KIAA1549L: variants seen among roughly 807,000 people sequenced by gnomAD.
KIAA1549L encodes UPF0606 protein KIAA1549L.
A neutral mutation model predicts 160.7 loss-of-function variants in KIAA1549L; 88 were observed. That is an observed-to-expected ratio of 0.55 (90% CI 0.46 to 0.65). The LOEUF is 0.65. Ranked by LOEUF, KIAA1549L falls within the 30% of genes least tolerant of loss-of-function variation. The pLI is 0.00. For missense variants in KIAA1549L, 2,258 were observed against 2,437.5 expected, an observed-to-expected ratio of 0.93 and a Z score of 1.55; for synonymous variants, 950 against 976.7, an observed-to-expected ratio of 0.97 and a Z score of 0.51.
chr11:33,504,764 G>A (rs766006775), intron 1 of KIAA1549L, among the ~76,000 whole-genome samples: 1 of 152,024 alleles, frequency 6.6e-6, no homozygotes, highest in Non-Finnish European at 1.5e-5. Context: ...CACTGTGCCC[G>A]GCCACAGATT....
chr11:33,395,601 G>T (rs1254932092), intron 1 of KIAA1549L, among the ~76,000 whole-genome samples: 2 of 152,070 alleles, frequency 1.3e-5, no homozygotes, highest in African/African-American at 2.4e-5. Flanking sequence ...TGGAGAACAG[G>T]TGGTATTTGG....
intron 1 of KIAA1549L, among the ~76,000 whole-genome samples, chr11:33,419,583 C>T (rs551892920): frequency 1.4e-4 from 22 of 152,218 alleles, no homozygotes; most frequent in African/African-American, 5.1e-4. Context: ...CAGTGGCTCA[C>T]ACCTGTAATC....
In KIAA1549L at chr11:33,646,002, G is replaced by T; in HGVS notation, c.5726G>T (p.Arg1909Leu). The T allele has an allele frequency of 6.2e-7, 1 of 1,601,926 alleles. No homozygotes were observed. The highest frequency in any genetic ancestry group is 1.1e-5 in the South Asian group (1 of 89,146). Residue 1909 changes from arginine (R) to leucine (L), a missense_variant, in exon 17 of 21, where the codon CGC becomes CTC. Physicochemically the swap from Arg to Leu is moderately radical, Grantham distance 102. Coordinates refer to ENST00000658780, the MANE Select transcript of KIAA1549L (RefSeq NM_012194.3). The stretch of plus-strand genomic sequence containing the variant: ...GGGGTGCAGTGGGTGCCGACCTACC[G>T]CCCAGAAATGTATCAGTACAGTCTG... ...RAGVQWVPTY[R>L]PEMYQYSLPR...
intron 15 of KIAA1549L, among the ~76,000 whole-genome samples, chr11:33,612,983 T>A (rs1202777397): frequency 6.6e-6 from 1 of 151,996 alleles, no homozygotes; most frequent in Non-Finnish European, 1.5e-5. Context: ...ATGTATCACA[T>A]TTTTTTTCAT....
At chr11:33,642,618 A>G (rs1851617768) in intron 16 of KIAA1549L, among the ~76,000 whole-genome samples, 1 of 151,900 alleles carries the variant, frequency 6.6e-6, no homozygotes, top group African/African-American at 2.4e-5. Context: ...AATGGTTATG[A>G]CAGAGCAGGT....
chr11:33,651,498 T>TCTTTTGTGCCTC (rs1554929900), intron 17 of KIAA1549L, among the ~76,000 whole-genome samples: 2 of 36,372 alleles, frequency 5.5e-5, no homozygotes, highest in African/African-American at 6.8e-4. Context: ...TGTGCCTCCT[T>TCTTTTGTGCCTC]CTTCCCTGGG....
In KIAA1549L at chr11:33,552,135, A is replaced by T; in HGVS notation, c.3749A>T (p.Asn1250Ile). ...TVLQFVSQAD[N>I]IQSCKFAQTM... ...CTGCAGTTTGTGAGCCAAGCGGACA[A>T]CATACAGTCCTGCAAGTTTGCTCAG... Residue 1250 changes from asparagine (N) to isoleucine (I), a missense_variant, in exon 6 of 21, where the codon AAC (asparagine) becomes ATC (isoleucine). Coordinates refer to ENST00000658780, the MANE Select transcript of KIAA1549L (RefSeq NM_012194.3). 1 of 1,613,590 alleles carries T rather than the reference A, an allele frequency of 6.2e-7. No individual in the cohort carries two copies. Among genetic ancestry groups the T allele is most frequent in the Non-Finnish European group, 8.5e-7 (1 of 1,179,758 alleles).
intron 1 of KIAA1549L, among the ~76,000 whole-genome samples, chr11:33,443,238 G>A (rs1367666008): frequency 1.3e-5 from 2 of 152,082 alleles, no homozygotes; most frequent in Non-Finnish European, 2.9e-5. Flanking sequence ...GGGCTGAAGG[G>A]ACCCTCCTGC....
At chr11:33,490,347 A>G (rs1852629001) in intron 1 of KIAA1549L, among the ~76,000 whole-genome samples, 1 of 145,692 alleles carries the variant, frequency 6.9e-6, no homozygotes, top group Admixed American at 6.8e-5. Flanking sequence ...TTTTTGAGAC[A>G]GTATCTTGCT....
intron 4 of KIAA1549L, among the ~76,000 whole-genome samples, chr11:33,550,634 C>G (rs1854426986): frequency 6.6e-6 from 1 of 152,170 alleles, no homozygotes; most frequent in Non-Finnish European, 1.5e-5. Flanking sequence ...CCCACTTAAT[C>G]TATCATTTCT....
chr11:33,461,327 A>G (rs796366629), intron 1 of KIAA1549L, among the ~76,000 whole-genome samples: 15 of 152,324 alleles, frequency 9.8e-5, no homozygotes, highest in African/African-American at 3.4e-4. Flanking sequence ...TTACAGCAGC[A>G]CCGCATGGTA....
intron 6 of KIAA1549L, among the ~76,000 whole-genome samples, chr11:33,558,674 C>G (rs907992032): frequency 1.3e-5 from 2 of 152,148 alleles, no homozygotes; most frequent in Admixed American, 1.3e-4. Flanking sequence ...ACCCAGAAAG[C>G]TTCATTTTCC....
chr11:33,551,565 A>G (rs886503429), intron 5 of KIAA1549L, among the ~76,000 whole-genome samples: 1 of 144,276 alleles, frequency 6.9e-6, no homozygotes, highest in Admixed American at 7.0e-5. Context: ...GGGTACTAAT[A>G]ATAGTTGAAC....
chr11:33,527,614 G>A (rs1011700255), intron 1 of KIAA1549L, among the ~76,000 whole-genome samples: 1 of 152,138 alleles, frequency 6.6e-6, no homozygotes, highest in Non-Finnish European at 1.5e-5. Flanking sequence ...AAAAGCTTCT[G>A]CACAGCAAAA....
chr11:33,656,231 C>A (rs1013555577), intron 18 of KIAA1549L, 122 bp downstream of exon 18: 9 of 706,720 alleles, frequency 1.3e-5, no homozygotes, highest in African/African-American at 3.5e-5. Flanking sequence ...GGGTGTGTCA[C>A]CTGTACAGAC....
rs118109656 is a variant in KIAA1549L at position 33,608,181 on chromosome 11, G to A, written c.5061+1359G>A. ...TTACTGTGTGACCTTAAGCATGTTAGTTCATTTCTCTGTGCCTCAGTATCT... is the reference window on the plus strand; with the variant it reads ...TTACTGTGTGACCTTAAGCATGTTAATTCATTTCTCTGTGCCTCAGTATCT... On this transcript the variant is annotated intron_variant, in intron 14 of 20. Coordinates refer to ENST00000658780, the MANE Select transcript of KIAA1549L (RefSeq NM_012194.3). Among the ~76,000 whole-genome samples the A allele has an allele frequency of 9.5e-3, 1,441 of 152,330 alleles. 12 individuals are homozygous for A. The highest frequency in any genetic ancestry group is 0.015 in the Admixed American group (234 of 15,300).
chr11:33,495,478 A>G (rs1182551770), intron 1 of KIAA1549L, among the ~76,000 whole-genome samples: 1 of 152,100 alleles, frequency 6.6e-6, no homozygotes, highest in Non-Finnish European at 1.5e-5. Flanking sequence ...ATGGCTGCAT[A>G]GTATTCCATG....
intron 11 of KIAA1549L, among the ~76,000 whole-genome samples, chr11:33,589,678 G>A (rs575844942): frequency 1.5e-4 from 22 of 151,526 alleles, no homozygotes; most frequent in Middle Eastern, 3.4e-3. Context: ...ACCAAGCACC[G>A]CATGTTCTCA....
At chr11:33,524,590 C>G (rs1316696993) in intron 1 of KIAA1549L, among the ~76,000 whole-genome samples, 3 of 152,114 alleles carry the variant, frequency 2.0e-5, no homozygotes, top group Non-Finnish European at 2.9e-5. Context: ...ACATTTCAGT[C>G]TATAAATTTT....
Sources: gnomAD v4.1 joint callset for allele counts (sites outside exome capture counted in the v4.1 genomes callset) on GRCh38, gnomAD v4.1.1 for gene constraint, MANE v1.5 for transcripts, NCBI Gene and HGNC (gene_info 2026-07-23, HGNC 2026-07-21) for gene names.